Variants in MDGA2 observed in about 807,000 individuals in gnomAD.
The protein encoded by MDGA2 is MAM domain containing glycosylphosphatidylinositol anchor 2.
A neutral mutation model predicts 117.8 loss-of-function variants in MDGA2; 40 were observed. The observed-to-expected ratio is 0.34, with a 90% CI of 0.26 to 0.44. The LOEUF (loss-of-function observed/expected upper bound fraction) is 0.44, where lower values mean the gene tolerates loss of function less well. Ranked by LOEUF, MDGA2 falls within the 20% of genes least tolerant of loss-of-function variation. The pLI is 1.00. For synonymous variants in MDGA2, 452 were observed against 439.0 expected, an observed-to-expected ratio of 1.03 and a Z score of -0.37; for missense variants, 1,123 against 1,250.6, an observed-to-expected ratio of 0.90 and a Z score of 1.54.
chr14:47,144,207 C>G lies in MDGA2; in HGVS notation c.663G>C (p.Glu221Asp), dbSNP rs1882842895. Reference protein sequence around the residue: ...IGEAKEQFYYERTVFLRCVAN... With the variant: ...IGEAKEQFYYDRTVFLRCVAN... ...CAACACACCGGAGGAACACTGTTCTCTCATAGTAAAATTGTTCTTTAGCTT... is the reference window on the plus strand; with the variant it reads ...CAACACACCGGAGGAACACTGTTCTGTCATAGTAAAATTGTTCTTTAGCTT... Residue 221 changes from glutamate to aspartate, a missense_variant, in exon 4 of 17, where the codon GAG becomes GAC. Transcript: ENST00000399232. 6.4e-7 allele frequency: 1 copy of G among 1,551,280 alleles called. No individual in the cohort carries two copies. Among genetic ancestry groups the G allele is most frequent in the Non-Finnish European group, 8.7e-7 (1 of 1,146,744 alleles).
intron 11 of MDGA2, among the ~76,000 whole-genome samples, chr14:46,879,488 T>A (rs1391274597): frequency 6.6e-6 from 1 of 151,942 alleles, no homozygotes; most frequent in Admixed American, 6.6e-5. Context: ...ATGTTGGAGA[T>A]CTGAATATGT....
chr14:47,615,833 G>A (rs1327996015), intron 1 of MDGA2, among the ~76,000 whole-genome samples: 1 of 151,078 alleles, frequency 6.6e-6, no homozygotes, highest in Non-Finnish European at 1.5e-5. Flanking sequence ...GAGCAAATGG[G>A]ATGCCTGATA....
intron 3 of MDGA2, among the ~76,000 whole-genome samples, chr14:47,179,459 A>T (rs939422461): frequency 5.9e-5 from 9 of 152,144 alleles, no homozygotes; most frequent in Admixed American, 2.6e-4. Context: ...AAACTATTAT[A>T]TATTTGTGAA....
intron 1 of MDGA2, among the ~76,000 whole-genome samples, chr14:47,542,807 T>C (rs1284150018): frequency 2.0e-5 from 3 of 152,244 alleles, no homozygotes; most frequent in African/African-American, 7.2e-5. Context: ...AGTATTGTTT[T>C]ATTTTAATTA....
intron 8 of MDGA2, among the ~76,000 whole-genome samples, chr14:46,981,753 C>T (rs770120344): frequency 9.2e-5 from 14 of 152,130 alleles, no homozygotes; most frequent in African/African-American, 1.4e-4. Context: ...AGAAAGAAGT[C>T]GAGAAAATTG....
At chr14:47,116,529 A>T (rs910198507) in intron 5 of MDGA2, among the ~76,000 whole-genome samples, 5 of 152,186 alleles carry the variant, frequency 3.3e-5, no homozygotes, top group Non-Finnish European at 7.4e-5. Flanking sequence ...AGCTATAGTA[A>T]TCAAAACAGT....
intron 9 of MDGA2, among the ~76,000 whole-genome samples, chr14:46,945,795 A>G (rs1885152299): frequency 6.6e-6 from 1 of 151,984 alleles, no homozygotes; most frequent in Non-Finnish European, 1.5e-5. Context: ...GTCTGTTTTT[A>G]TTCCTTAAAA....
At chr14:47,274,703 A>G (rs116972761) in intron 2 of MDGA2, among the ~76,000 whole-genome samples, 415 of 152,250 alleles carry the variant, frequency 2.7e-3, no homozygotes, top group Non-Finnish European at 4.4e-3. Context: ...GCAATGTATA[A>G]GGATACCAAT....
intron 1 of MDGA2, among the ~76,000 whole-genome samples, chr14:47,358,182 T>C (rs144927479): frequency 2.0e-5 from 3 of 152,296 alleles, no homozygotes; most frequent in Non-Finnish European, 4.4e-5. Context: ...TTCACCATTT[T>C]CTACGCATAG....
chr14:46,982,947 T>A (rs1474927819), intron 8 of MDGA2, among the ~76,000 whole-genome samples: 1 of 151,982 alleles, frequency 6.6e-6, no homozygotes, highest in Non-Finnish European at 1.5e-5. Flanking sequence ...GTGGGTTTGT[T>A]GTAGATAGCT....
At chr14:47,228,866 A>G (rs1319183254) in intron 2 of MDGA2, among the ~76,000 whole-genome samples, 1 of 152,178 alleles carries the variant, frequency 6.6e-6, no homozygotes, top group East Asian at 1.9e-4. Context: ...GCTGTCTAGC[A>G]GGGAAGTTCA....
chr14:46,951,481 T>C (rs1354547715), intron 9 of MDGA2, among the ~76,000 whole-genome samples: 1 of 151,980 alleles, frequency 6.6e-6, no homozygotes, highest in African/African-American at 2.4e-5. Context: ...ATTATGTACA[T>C]AAGATTCCAT....
intron 8 of MDGA2, among the ~76,000 whole-genome samples, chr14:47,022,983 C>T (rs1408572263): frequency 6.6e-6 from 1 of 152,002 alleles, no homozygotes; most frequent in Non-Finnish European, 1.5e-5. Context: ...AAACCAATCG[C>T]GTCTCTGTAG....
intron 10 of MDGA2, among the ~76,000 whole-genome samples, chr14:46,902,493 CT>C (rs1883326011): frequency 6.6e-6 from 1 of 152,048 alleles, no homozygotes; most frequent in South Asian, 2.1e-4. Context: ...AAATTACACT[CT>C]TTGAAGGAAA....
intron 8 of MDGA2, among the ~76,000 whole-genome samples, chr14:47,023,670 T>G (rs1594538004): frequency 6.6e-6 from 1 of 152,198 alleles, no homozygotes. Context: ...GAGAGGAATC[T>G]TTTTGGTGAA....
intron 7 of MDGA2, among the ~76,000 whole-genome samples, chr14:47,038,192 A>G (rs934547431): frequency 6.6e-6 from 1 of 152,142 alleles, no homozygotes; most frequent in African/African-American, 2.4e-5. Flanking sequence ...TCGGCCTCCC[A>G]AAGTGCTGAG....
chr14:47,370,557 G>C (rs978221613), intron 1 of MDGA2, among the ~76,000 whole-genome samples: 3 of 127,132 alleles, frequency 2.4e-5, no homozygotes, highest in Non-Finnish European at 1.6e-5. Flanking sequence ...CATTCAAAGA[G>C]AAATTTAGAA....
Position 47,035,186 on chromosome 14 carries a change from T to G in MDGA2, c.1644A>C (p.Arg548Ser). The change falls in exon 8 of 17, where the codon AGA (arginine) becomes AGC (serine). Residue 548 changes from arginine (R) to serine (S), a missense_variant. This residue lies in a region of MDGA2 where 890 missense variants were observed against 1,050.3 expected (regional missense o/e 0.85). Coordinates refer to ENST00000399232, the MANE Select transcript of MDGA2 (RefSeq NM_001113498.3). The part of the protein sequence containing the change: ...GKPKPIILWS[R>S]ADKEVAMPDG... Reference sequence around the variant, plus strand: ...CAGGCATTGCAACTTCTTTATCCGCTCTAGACCAAAGGATGATTGGTTTAG... The same window carrying G: ...CAGGCATTGCAACTTCTTTATCCGCGCTAGACCAAAGGATGATTGGTTTAG... The G allele has an allele frequency of 6.2e-7, 1 of 1,614,156 alleles. No individual in the cohort carries two copies. The highest frequency in any genetic ancestry group is 8.5e-7 in the Non-Finnish European group (1 of 1,180,038).
intron 11 of MDGA2, among the ~76,000 whole-genome samples, chr14:46,879,013 T>G (rs1882341813): frequency 1.3e-5 from 2 of 152,150 alleles, no homozygotes; most frequent in South Asian, 4.1e-4. Flanking sequence ...TCTTCTTTCA[T>G]TTGAACTTGC....
Sources: allele counts gnomAD v4.1 joint callset (sites outside exome capture counted in the v4.1 genomes callset), GRCh38; gene constraint gnomAD v4.1.1; regional missense constraint gnomAD v4.1.1; transcripts MANE v1.5; gene names NCBI Gene and HGNC (gene_info 2026-07-23, HGNC 2026-07-21).